Variants in ZNF708 observed in about 807,000 individuals in gnomAD.
ZNF708 encodes zinc finger protein 708, also known as ZNF15, ZNF15L1.
In ZNF708, 44 loss-of-function variants were observed where a neutral mutation model predicts 47.0. The observed-to-expected ratio is 0.94, with a 90% confidence interval of 0.74 to 1.20. The LOEUF (loss-of-function observed/expected upper bound fraction) is 1.20. ZNF708 is among the 50% of genes most tolerant of loss of function. The pLI is 0.00. For synonymous variants in ZNF708, 184 were observed against 218.5 expected (o/e 0.84, Z 1.39); for missense variants, 557 against 656.0 (o/e 0.85, Z 1.65).
intron 3 of ZNF708, among the ~76,000 whole-genome samples, chr19:21,301,745 C>A (rs754215061): frequency 6.6e-6 from 1 of 151,986 alleles, no homozygotes; most frequent in African/African-American, 2.4e-5. Context: ...TGCAGTTAGC[C>A]GAGATCACAT....
At chr19:21,295,164 A>G (rs1311994280) in intron 3 of ZNF708, among the ~76,000 whole-genome samples, 1 of 152,114 alleles carries the variant, frequency 6.6e-6, no homozygotes, top group Non-Finnish European at 1.5e-5. Flanking sequence ...TCTGTCTCCC[A>G]TGACATAAAG....
intron 1 of ZNF708, among the ~76,000 whole-genome samples, chr19:21,312,097 C>G (rs1038864955): frequency 6.6e-6 from 1 of 152,030 alleles, no homozygotes; most frequent in African/African-American, 2.4e-5. Flanking sequence ...AAGTTCGAAA[C>G]CAGCCTGGCC....
chr19:21,306,616 G>T (rs1310894046), intron 3 of ZNF708, among the ~76,000 whole-genome samples: 2 of 152,082 alleles, frequency 1.3e-5, no homozygotes, highest in African/African-American at 2.4e-5. Context: ...GTTGATTGTT[G>T]GTAGAAAACA....
chr19:21,313,343 T>C (rs1972939164), intron 1 of ZNF708, among the ~76,000 whole-genome samples: 1 of 151,862 alleles, frequency 6.6e-6, no homozygotes, highest in Non-Finnish European at 1.5e-5. Flanking sequence ...TAACATATTA[T>C]ATGATTTAAC....
Position 21,293,341 on chromosome 19 carries a change from T to A in ZNF708, c.1625A>T (p.Asn542Ile). 6.2e-7 allele frequency: 1 copy of A among 1,613,432 alleles called. No homozygotes were observed. The highest frequency in any genetic ancestry group is 8.5e-7 in the Non-Finnish European group (1 of 1,179,528). ...ATGTTTAGTAAGGTTTGGGGACTGGTTAAAGGCTTTGCCACATTCTTCACA... is the reference window on the plus strand; with the variant it reads ...ATGTTTAGTAAGGTTTGGGGACTGGATAAAGGCTTTGCCACATTCTTCACA... ...YKCEECGKAF[N>I]QSPNLTKHKR... The change falls in exon 4 of 4, where the codon AAC (asparagine) becomes ATC (isoleucine). Residue 542 changes from asparagine to isoleucine, a missense_variant. Coordinates refer to ENST00000356929, the MANE Select transcript of ZNF708 (RefSeq NM_021269.3).
intron 3 of ZNF708, among the ~76,000 whole-genome samples, chr19:21,296,536 T>C (rs1344797910): frequency 6.6e-6 from 1 of 151,632 alleles, no homozygotes; most frequent in Non-Finnish European, 1.5e-5. Flanking sequence ...AAAAGAACTG[T>C]CCAACTGAAT....
Position 21,293,675 on chromosome 19 carries a change from T to C in ZNF708, c.1291A>G (p.Ile431Val), listed in dbSNP as rs149009596. ...KCEECGKAFS[I>V]FSILTKHKVI... ...TTATGTTTAGTAAGGATTGAGAATATACTAAAGGCTTTACCACATTCTTCA... is the reference window on the plus strand; with the variant it reads ...TTATGTTTAGTAAGGATTGAGAATACACTAAAGGCTTTACCACATTCTTCA... The change falls in exon 4 of 4, where the codon ATA (isoleucine) becomes GTA (valine). Residue 431 changes from isoleucine to valine, a missense_variant. Coordinates refer to ENST00000356929, the MANE Select transcript of ZNF708 (RefSeq NM_021269.3). The C allele has an allele frequency of 6.2e-6, 10 of 1,612,118 alleles. No homozygotes were observed. The African/African-American group carries it at 1.2e-4, about 19-fold the overall frequency.
Position 21,329,275 on chromosome 19 carries a change from G to C in ZNF708, c.-63C>G. 6.2e-7 allele frequency: 1 copy of C among 1,604,140 alleles called. No homozygotes were observed. The highest frequency in any genetic ancestry group is 1.1e-5 in the South Asian group (1 of 90,986). The stretch of plus-strand genomic sequence containing the variant: ...GATCTCCCAATACCTGCAGGTCACA[G>C]AGCCACAGAGTCTGGGCCTCTAGGA... On this transcript the variant is annotated 5_prime_UTR_variant, in exon 1 of 4. Transcript: ENST00000356929.
chr19:21,313,003 G>A (rs192854509), intron 1 of ZNF708, among the ~76,000 whole-genome samples: 6 of 149,966 alleles, frequency 4.0e-5, no homozygotes, highest in East Asian at 2.0e-4. Flanking sequence ...TCAAGGGTAT[G>A]CTACAGGCTG....
At chr19:21,294,851 T>C (rs974773892) in intron 3 of ZNF708, 112 bp from the exon 4 acceptor site, 33 of 1,033,000 alleles carry the variant, frequency 3.2e-5, no homozygotes, top group Admixed American at 3.1e-4. Flanking sequence ...ATACTACAGA[T>C]CCTAAATCCT....
In ZNF708 at chr19:21,291,277, A is replaced by T. The variant is rs1016541405; in HGVS notation, c.*1997T>A. The T allele has an allele frequency of 1.3e-5, 2 of 152,168 alleles. No individual in the cohort carries two copies. The highest frequency in any genetic ancestry group is 2.9e-5 in the Non-Finnish European group (2 of 68,040). 9.4% of individuals were successfully genotyped at this position (152,168 alleles called of 1,614,324 possible). ...TCTTACTATAATGCAAAAGAATATTACTCTAAACACCTACCTCATGCACCA... is the reference window on the plus strand; with the variant it reads ...TCTTACTATAATGCAAAAGAATATTTCTCTAAACACCTACCTCATGCACCA... On this transcript the variant is annotated 3_prime_UTR_variant, in exon 4 of 4. Coordinates refer to ENST00000356929, the MANE Select transcript of ZNF708 (RefSeq NM_021269.3).
intron 1 of ZNF708, among the ~76,000 whole-genome samples, chr19:21,320,635 A>G (rs1033205265): frequency 6.6e-6 from 1 of 151,504 alleles, no homozygotes; most frequent in African/African-American, 2.4e-5. Flanking sequence ...TGAGGCTGCA[A>G]TGAGCAGTCA....
intron 1 of ZNF708, 95 bp from the exon 2 acceptor site, chr19:21,310,722 G>C: frequency 1.9e-6 from 2 of 1,079,002 alleles, no homozygotes; most frequent in South Asian, 5.9e-5. Flanking sequence ...AAGAGAACTG[G>C]TTCTGACTTA....
At chr19:21,323,366 C>T (rs928860040) in intron 1 of ZNF708, among the ~76,000 whole-genome samples, 2 of 152,168 alleles carry the variant, frequency 1.3e-5, no homozygotes, top group Admixed American at 1.3e-4. Context: ...TTCCCCAAGG[C>T]TTCTGAACTT....
chr19:21,291,409 C>T lies in ZNF708; in HGVS notation c.*1865G>A, dbSNP rs1972391134. 6.6e-6 allele frequency: 1 copy of T among 151,738 alleles called. No individual in the cohort carries two copies. The highest frequency in any genetic ancestry group is 1.5e-5 in the Non-Finnish European group (1 of 67,964). The allele number at this position is 151,738 out of a possible 1,614,324, so 9.4% of individuals were successfully genotyped here. A position where few individuals can be genotyped will look rare whatever the true frequency, so the allele number is the denominator to read the frequency against. On this transcript the variant is annotated 3_prime_UTR_variant, in exon 4 of 4. Transcript: ENST00000356929. ...CAAAGAAAAGGTCATAAATAATGCC[C>T]ACCTAAAAAAAAAGAAACTCTCCTA... is the stretch of plus-strand genomic sequence containing the variant.
chr19:21,304,706 C>T (rs1191730178), intron 3 of ZNF708, among the ~76,000 whole-genome samples: 3 of 152,014 alleles, frequency 2.0e-5, no homozygotes, highest in African/African-American at 4.8e-5. Context: ...GAGACCCTGT[C>T]GCTACTAATA....
intron 1 of ZNF708, among the ~76,000 whole-genome samples, chr19:21,319,645 G>A (rs559478991): frequency 2.0e-5 from 3 of 151,956 alleles, no homozygotes; most frequent in African/African-American, 4.8e-5. Flanking sequence ...AGAAAGCCAC[G>A]CGTGGCTGAA....
intron 1 of ZNF708, among the ~76,000 whole-genome samples, chr19:21,316,125 T>C (rs1568353206): frequency 2.6e-5 from 2 of 78,084 alleles, no homozygotes; most frequent in Admixed American, 1.5e-4. Context: ...TCTTTTCTTT[T>C]CTTTTTTCTT....
At chr19:21,297,268 A>ATTTT (rs1568345549) in intron 3 of ZNF708, among the ~76,000 whole-genome samples, 9 of 15,356 alleles carry the variant, frequency 5.9e-4, no homozygotes, top group African/African-American at 1.8e-3. Flanking sequence ...ATATATATAT[A>ATTTT]TATTTTTTTT....
Sources: gnomAD v4.1 joint callset for allele counts (sites outside exome capture counted in the v4.1 genomes callset) on GRCh38, gnomAD v4.1.1 for gene constraint, MANE v1.5 for transcripts, NCBI Gene and HGNC (gene_info 2026-07-23, HGNC 2026-07-21) for gene names.